NEK11: variants seen among roughly 807,000 people sequenced by gnomAD.
NEK11 encodes the protein NIMA related kinase 11, also known as serine/threonine-protein kinase Nek11.
A neutral mutation model predicts 80.7 loss-of-function variants in NEK11; 72 were observed. The observed-to-expected ratio is 0.89, with a 90% CI of 0.74 to 1.08. The LOEUF (loss-of-function observed/expected upper bound fraction) is 1.08. Ranked by LOEUF, NEK11 falls within the 50% of genes least tolerant of loss-of-function variation. The pLI, the probability that NEK11 is intolerant of heterozygous loss-of-function variation, is 0.00. For missense variants in NEK11, 764 were observed against 763.6 expected, an observed-to-expected ratio of 1.00 and a Z score of -0.01; for synonymous variants, 251 against 260.7, an observed-to-expected ratio of 0.96 and a Z score of 0.36.
At chr3:131,305,402 G>T (rs545049391) in intron 17 of NEK11, among the ~76,000 whole-genome samples, 139 of 152,224 alleles carry the variant, frequency 9.1e-4, no homozygotes, top group African/African-American at 3.3e-3. Flanking sequence ...CTGCTAGCAG[G>T]CATGGTGAGG....
intron 15 of NEK11, among the ~76,000 whole-genome samples, chr3:131,230,102 C>T (rs2095300830): frequency 6.6e-6 from 1 of 152,124 alleles, no homozygotes; most frequent in Non-Finnish European, 1.5e-5. Context: ...ATGCAAAATA[C>T]ATACAGTGCT....
At chr3:131,066,917 T>A (rs1240100272) in intron 3 of NEK11, among the ~76,000 whole-genome samples, 2 of 152,100 alleles carry the variant, frequency 1.3e-5, no homozygotes, top group Admixed American at 6.6e-5. Context: ...GAGTGTGGTT[T>A]GTCACTTAAC....
chr3:131,251,927 C>G (rs2095711961), intron 16 of NEK11, among the ~76,000 whole-genome samples: 1 of 152,050 alleles, frequency 6.6e-6, no homozygotes, highest in African/African-American at 2.4e-5. Context: ...ATAGCAGGAC[C>G]CTCATTACAC....
rs552704712 is a variant in NEK11, at chr3:131,216,380, T to C, written c.1400-12148T>C. Among the ~76,000 whole-genome samples, 3 of 152,352 alleles carry C rather than the reference T, an allele frequency of 2.0e-5. 1 individual carries two copies. The South Asian group carries it at 6.2e-4, about 32-fold the overall frequency. ...CTTGCCTGCCAAACTTAAGATTTTA[T>C]ACTCAATTTTATTGGCAGCGAGGGC... On this transcript the variant is annotated intron_variant, in intron 14 of 17. Coordinates refer to ENST00000383366, the MANE Select transcript of NEK11 (RefSeq NM_024800.5).
At chr3:131,037,768 A>G (rs919652212) in intron 3 of NEK11, among the ~76,000 whole-genome samples, 20 of 152,114 alleles carry the variant, frequency 1.3e-4, no homozygotes, top group Non-Finnish European at 2.9e-4. Flanking sequence ...TAATCATTTT[A>G]ACATATCTTT....
chr3:131,285,374 A>G (rs1295347392), intron 17 of NEK11, among the ~76,000 whole-genome samples: 1 of 152,140 alleles, frequency 6.6e-6, no homozygotes, highest in Admixed American at 6.5e-5. Flanking sequence ...GGCCTTGCAG[A>G]GTTCATTGAG....
chr3:131,065,961 C>T (rs1261526761), intron 3 of NEK11, among the ~76,000 whole-genome samples: 1 of 152,110 alleles, frequency 6.6e-6, no homozygotes, highest in Non-Finnish European at 1.5e-5. Context: ...GAAAAATGGC[C>T]TAAGACACAA....
intron 16 of NEK11, among the ~76,000 whole-genome samples, chr3:131,249,047 G>T (rs1396192157): frequency 3.3e-5 from 5 of 150,752 alleles, no homozygotes; most frequent in Non-Finnish European, 5.9e-5. Context: ...TTAGAATCAT[G>T]GAGTAAAAAT....
intron 17 of NEK11, among the ~76,000 whole-genome samples, chr3:131,282,060 A>C (rs2096403895): frequency 6.6e-6 from 1 of 152,150 alleles, no homozygotes; most frequent in South Asian, 2.1e-4. Context: ...GCTTACTGGG[A>C]GTCAAATGGT....
chr3:131,347,853 C>T (rs962641996), intron 17 of NEK11, among the ~76,000 whole-genome samples: 10 of 151,830 alleles, frequency 6.6e-5, no homozygotes, highest in Non-Finnish European at 1.2e-4. Context: ...GCAGGAGAAT[C>T]GCTTGAACCT....
intron 7 of NEK11, among the ~76,000 whole-genome samples, chr3:131,148,777 G>T (rs1579106802): frequency 6.6e-6 from 1 of 151,348 alleles, no homozygotes; most frequent in East Asian, 1.9e-4. Flanking sequence ...TGTCACAAGG[G>T]CTTGGTGTAC....
intron 11 of NEK11, among the ~76,000 whole-genome samples, chr3:131,164,762 G>A (rs1287068636): frequency 2.6e-5 from 4 of 152,100 alleles, no homozygotes; most frequent in East Asian, 1.9e-4. Flanking sequence ...AGAATCAAGG[G>A]GGATCATGTG....
At chr3:131,043,946 TG>T (rs988841266) in intron 3 of NEK11, among the ~76,000 whole-genome samples, 1 of 151,756 alleles carries the variant, frequency 6.6e-6, no homozygotes, top group African/African-American at 2.4e-5. Context: ...CAGAAGAGAG[TG>T]GGGGCCAATA....
chr3:131,295,657 ATACTT>A (rs1385811818), intron 17 of NEK11, among the ~76,000 whole-genome samples: 3 of 152,148 alleles, frequency 2.0e-5, no homozygotes, highest in Non-Finnish European at 4.4e-5. Context: ...CTGTTGCAAA[ATACTT>A]TATATTATGG....
intron 14 of NEK11, among the ~76,000 whole-genome samples, chr3:131,213,711 A>G (rs2094713621): frequency 1.3e-5 from 2 of 152,176 alleles, no homozygotes; most frequent in African/African-American, 4.8e-5. Context: ...ACCTCGAAGC[A>G]TGTCAGAAAT....
intron 7 of NEK11, among the ~76,000 whole-genome samples, chr3:131,136,824 A>G (rs919104802): frequency 2.0e-5 from 3 of 152,230 alleles, no homozygotes; most frequent in Non-Finnish European, 4.4e-5. Flanking sequence ...CAGGAGAAAT[A>G]CAAATATGAG....
intron 17 of NEK11, among the ~76,000 whole-genome samples, chr3:131,315,964 A>G (rs1023940208): frequency 6.6e-6 from 1 of 152,070 alleles, no homozygotes; most frequent in Non-Finnish European, 1.5e-5. Context: ...TATTGATGGT[A>G]TGCTTTTATT....
chr3:131,115,277 A>G (rs113731552), intron 5 of NEK11, among the ~76,000 whole-genome samples: 389 of 152,284 alleles, frequency 2.6e-3, no homozygotes, highest in African/African-American at 8.7e-3. Context: ...AGTCCTTTGG[A>G]CAGGGACTGA....
chr3:131,161,435 A>G (rs1252013802), intron 10 of NEK11, among the ~76,000 whole-genome samples: 1 of 152,154 alleles, frequency 6.6e-6, no homozygotes, highest in Non-Finnish European at 1.5e-5. Context: ...ATCAACCTAA[A>G]TGCCCATCCA....
Sources: gnomAD v4.1 joint callset for allele counts (sites outside exome capture counted in the v4.1 genomes callset) on GRCh38, gnomAD v4.1.1 for gene constraint, MANE v1.5 for transcripts, NCBI Gene and HGNC (gene_info 2026-07-23, HGNC 2026-07-21) for gene names.